Variants in CNTN4 observed in about 807,000 individuals in gnomAD.
CNTN4 encodes the protein contactin 4, also known as contactin-4.
Under a neutral mutation model 122.5 loss-of-function variants are expected in CNTN4, and 77 were observed. The observed-to-expected ratio is 0.63, with a 90% CI of 0.52 to 0.76. The LOEUF (loss-of-function observed/expected upper bound fraction) is 0.76. CNTN4 is among the 30% of genes least tolerant of loss of function. CNTN4 has a pLI of 0.00. For synonymous variants in CNTN4, 512 were observed against 447.0 expected (o/e 1.15, Z -1.83); for missense variants, 1,256 against 1,259.1 (o/e 1.00, Z 0.04).
intron 7 of CNTN4, among the ~76,000 whole-genome samples, chr3:2,827,772 C>T (rs560215547): frequency 5.9e-5 from 9 of 152,028 alleles, no homozygotes; most frequent in South Asian, 4.2e-4. Context: ...AGTATGTGCC[C>T]GGACTTCATT....
intron 2 of CNTN4, among the ~76,000 whole-genome samples, chr3:2,135,319 T>G (rs1216389997): frequency 6.6e-6 from 1 of 152,174 alleles, no homozygotes; most frequent in East Asian, 1.9e-4. Flanking sequence ...TCAGGTGTTA[T>G]TTTTCCTAGC....
Position 2,685,996 on chromosome 3 carries a change from C to T in CNTN4, c.56-50219C>T, listed in dbSNP as rs139790839. Among the ~76,000 whole-genome samples the T allele has an allele frequency of 2.3e-3, 354 of 152,270 alleles. 1 individual carries two copies. The highest frequency in any genetic ancestry group is 3.8e-3 in the Non-Finnish European group (258 of 68,014). ...ATTCCCAATTACCCAAGTTGTATTT[C>T]AATCCCAGAGTGCATGGAATGAAAA... On this transcript the variant is annotated intron_variant, in intron 4 of 24. Coordinates refer to ENST00000418658, the MANE Select transcript of CNTN4 (RefSeq NM_175607.3).
chr3:2,550,838 A>G (rs1415543910), intron 3 of CNTN4, among the ~76,000 whole-genome samples: 1 of 152,166 alleles, frequency 6.6e-6, no homozygotes, highest in Non-Finnish European at 1.5e-5. Context: ...TTCTCAGCCA[A>G]CTAACACAAG....
intron 4 of CNTN4, among the ~76,000 whole-genome samples, chr3:2,727,919 T>C (rs956911396): frequency 6.6e-6 from 1 of 152,222 alleles, no homozygotes; most frequent in Non-Finnish European, 1.5e-5. Flanking sequence ...AAAGTAATGT[T>C]TATCCTTTAA....
intron 14 of CNTN4, chr3:2,988,842 T>G (rs1694816321): frequency 7.8e-6 from 2 of 255,114 alleles, no homozygotes; most frequent in Non-Finnish European, 1.5e-5. Flanking sequence ...ACTCATGTAC[T>G]ATTTTTAGAA....
intron 3 of CNTN4, among the ~76,000 whole-genome samples, chr3:2,495,567 G>T (rs2076431192): frequency 6.6e-6 from 1 of 152,190 alleles, no homozygotes; most frequent in African/African-American, 2.4e-5. Context: ...AGCAGGAGAT[G>T]AGCAGCAGGC....
At chr3:2,872,959 A>G (rs1402407753) in intron 8 of CNTN4, among the ~76,000 whole-genome samples, 1 of 152,194 alleles carries the variant, frequency 6.6e-6, no homozygotes, top group Non-Finnish European at 1.5e-5. Flanking sequence ...TAGCCATGAA[A>G]AACAGTGAAT....
intron 3 of CNTN4, among the ~76,000 whole-genome samples, chr3:2,462,665 T>C (rs1254129014): frequency 6.6e-6 from 1 of 152,178 alleles, no homozygotes; most frequent in Non-Finnish European, 1.5e-5. Context: ...AATAAAAATA[T>C]TTTTATACCT....
At chr3:2,929,986 C>T (rs1577310963) in intron 13 of CNTN4, among the ~76,000 whole-genome samples, 1 of 152,178 alleles carries the variant, frequency 6.6e-6, no homozygotes, top group Admixed American at 6.5e-5. Context: ...CCACATCCTT[C>T]CCTGGTTACT....
chr3:2,206,487 C>G (rs778475423), intron 2 of CNTN4, among the ~76,000 whole-genome samples: 4 of 151,946 alleles, frequency 2.6e-5, no homozygotes, highest in Admixed American at 6.6e-5. Context: ...CCTGAAATAA[C>G]ATTTTTAAGG....
intron 7 of CNTN4, chr3:2,866,427 A>G (rs2093724498): frequency 8.7e-7 from 1 of 1,146,926 alleles, no homozygotes; most frequent in East Asian, 5.8e-5. Context: ...TAATTTGAGC[A>G]TTACTCAATA....
chr3:2,105,650 C>G (rs912289403), intron 2 of CNTN4, among the ~76,000 whole-genome samples: 31 of 152,306 alleles, frequency 2.0e-4, no homozygotes, highest in African/African-American at 7.2e-4. Flanking sequence ...CCACCCTTGA[C>G]ACATGCAAAT....
chr3:2,235,017 C>T (rs565060088), intron 2 of CNTN4, among the ~76,000 whole-genome samples: 1 of 152,166 alleles, frequency 6.6e-6, no homozygotes, highest in African/African-American at 2.4e-5. Context: ...AAATTGAGTT[C>T]TTATTTATCT....
At chr3:2,760,647 A>G (rs2149686258) in intron 6 of CNTN4, among the ~76,000 whole-genome samples, 1 of 152,356 alleles carries the variant, frequency 6.6e-6, no homozygotes, top group Middle Eastern at 3.4e-3. Flanking sequence ...AGATCAAAGA[A>G]ATATGATGCT....
chr3:3,009,473 G>C (rs9833795), intron 14 of CNTN4, among the ~76,000 whole-genome samples: 14 of 150,944 alleles, frequency 9.3e-5, no homozygotes, highest in African/African-American at 3.2e-4. Flanking sequence ...TTGCTCTGTC[G>C]CCCAGGCTGG....
chr3:2,230,765 G>A (rs1293697012), intron 2 of CNTN4, among the ~76,000 whole-genome samples: 8 of 152,038 alleles, frequency 5.3e-5, no homozygotes, highest in Non-Finnish European at 1.2e-4. Flanking sequence ...CAGATGGATT[G>A]CTTGAGCCCA....
chr3:2,116,942 A>G (rs1473033414), intron 2 of CNTN4, among the ~76,000 whole-genome samples: 1 of 151,046 alleles, frequency 6.6e-6, no homozygotes. Flanking sequence ...CAATCAATAG[A>G]GAAGATTTTT....
intron 14 of CNTN4, among the ~76,000 whole-genome samples, chr3:3,003,593 G>A (rs1696257985): frequency 6.8e-6 from 1 of 146,540 alleles, no homozygotes; most frequent in African/African-American, 2.5e-5. Flanking sequence ...GATTCAAGGA[G>A]GCAAGAATTA....
intron 12 of CNTN4, among the ~76,000 whole-genome samples, chr3:2,913,835 C>G (rs1345195103): frequency 6.6e-6 from 1 of 152,182 alleles, no homozygotes; most frequent in East Asian, 1.9e-4. Context: ...GAACACTGCT[C>G]TCTACTACAA....
Sources: gnomAD v4.1 joint callset for allele counts (sites outside exome capture counted in the v4.1 genomes callset) on GRCh38, gnomAD v4.1.1 for gene constraint, MANE v1.5 for transcripts, NCBI Gene and HGNC (gene_info 2026-07-23, HGNC 2026-07-21) for gene names.